Variants in CPA6 observed in about 807,000 individuals in gnomAD.
The protein encoded by CPA6 is carboxypeptidase A6.
Under a neutral mutation model 63.3 loss-of-function variants are expected in CPA6, and 58 were observed. That is an observed-to-expected ratio of 0.92 (90% CI 0.74 to 1.14). The LOEUF is 1.14. Among genes scored for constraint, CPA6 ranks in the 50% most tolerant of loss-of-function variants. The pLI, the probability that CPA6 is intolerant of heterozygous loss-of-function variation, is 0.00. For synonymous variants in CPA6, 185 were observed against 179.0 expected, an observed-to-expected ratio of 1.03 and a Z score of -0.27; for missense variants, 565 against 526.6, an observed-to-expected ratio of 1.07 and a Z score of -0.71.
intron 2 of CPA6, among the ~76,000 whole-genome samples, chr8:67,603,676 G>A (rs1345039483): frequency 1.3e-5 from 2 of 152,080 alleles, no homozygotes; most frequent in African/African-American, 2.4e-5. Flanking sequence ...TCCATATTTC[G>A]TAAGATAGTC....
At chr8:67,678,039 C>T (rs546358032) in intron 1 of CPA6, among the ~76,000 whole-genome samples, 4 of 152,106 alleles carry the variant, frequency 2.6e-5, no homozygotes, top group South Asian at 2.1e-4. Flanking sequence ...GGTTCAGGAC[C>T]GGCCTGGCCA....
At chr8:67,554,005 C>T (rs1223284198) in intron 2 of CPA6, among the ~76,000 whole-genome samples, 1 of 152,116 alleles carries the variant, frequency 6.6e-6, no homozygotes, top group Non-Finnish European at 1.5e-5. Flanking sequence ...TATCTATTTA[C>T]CACTGTGACA....
chr8:67,653,943 T>C (rs1270001856), intron 1 of CPA6, among the ~76,000 whole-genome samples: 2 of 151,454 alleles, frequency 1.3e-5, no homozygotes, highest in Non-Finnish European at 1.5e-5. Flanking sequence ...TGAGAGTTTT[T>C]AGCATGAAGC....
At chr8:67,512,725 G>T (rs1812066792) in intron 3 of CPA6, among the ~76,000 whole-genome samples, 1 of 143,520 alleles carries the variant, frequency 7.0e-6, no homozygotes, top group Non-Finnish European at 1.5e-5. Context: ...TAGCTAAAAA[G>T]CTTTGCTTTC....
intron 8 of CPA6, among the ~76,000 whole-genome samples, chr8:67,468,859 T>G: frequency 6.6e-6 from 1 of 152,192 alleles, no homozygotes; most frequent in Non-Finnish European, 1.5e-5. Context: ...CAGGGCCTCT[T>G]GCTGTCCTCA....
intron 2 of CPA6, among the ~76,000 whole-genome samples, chr8:67,534,184 A>T (rs940086409): frequency 6.6e-6 from 1 of 152,224 alleles, no homozygotes; most frequent in Non-Finnish European, 1.5e-5. Flanking sequence ...CCTTGCACAT[A>T]GGTATTCTTC....
intron 8 of CPA6, among the ~76,000 whole-genome samples, chr8:67,455,802 A>G (rs116842163): frequency 0.013 from 2,008 of 151,900 alleles, 33 homozygotes; most frequent in Middle Eastern, 0.024. Context: ...GCAGACACCA[A>G]CTCCTGGGCT....
rs370982845 is a variant in CPA6, at chr8:67,485,897, A to G, written c.637-1108T>C. On this transcript the variant is annotated intron_variant, in intron 6 of 10. Transcript: ENST00000297770. Reference sequence around the variant, plus strand: ...GCACTCTGGTCTATAACAATTCACCAAACTCACACCATGGTTTATATAGAA... The same window carrying G: ...GCACTCTGGTCTATAACAATTCACCGAACTCACACCATGGTTTATATAGAA... 3.9e-5 allele frequency among the ~76,000 whole-genome samples: 6 copies of G among 152,218 alleles called. No homozygotes were observed. The East Asian group carries it at 5.8e-4, about 15-fold the overall frequency.
At chr8:67,727,808 G>A (rs1817626481) in intron 1 of CPA6, among the ~76,000 whole-genome samples, 1 of 152,196 alleles carries the variant, frequency 6.6e-6, no homozygotes, top group Non-Finnish European at 1.5e-5. Flanking sequence ...GACAGACGCA[G>A]TGGCTCATGC....
At chr8:67,590,225 T>A (rs559464076) in intron 2 of CPA6, among the ~76,000 whole-genome samples, 2 of 151,978 alleles carry the variant, frequency 1.3e-5, no homozygotes, top group Non-Finnish European at 2.9e-5. Context: ...GAACTCATCA[T>A]TTTTTATGGC....
At chr8:67,620,109 AT>A (rs1312615396) in intron 2 of CPA6, among the ~76,000 whole-genome samples, 1 of 152,094 alleles carries the variant, frequency 6.6e-6, no homozygotes, top group African/African-American at 2.4e-5. Flanking sequence ...GCTGAAATCC[AT>A]TCTCACTTCC....
Position 67,511,517 on chromosome 8 carries a change from GA to G in CPA6, c.432+23del, listed in dbSNP as rs751616256. 7.2e-5 allele frequency: 99 copies of G among 1,374,332 alleles called. 2 individuals are homozygous for G. Among genetic ancestry groups the G allele is most frequent in the Non-Finnish European group, 1.0e-4 (98 of 964,426 alleles). The allele number at this position is 1,374,332 out of a possible 1,614,324, so 85.1% of individuals were successfully genotyped here. ...ATAAAGATGACTCTGTGAAAAACCAGAAAAAGCTCTTTTGATTACATACTTC... is the reference window on the plus strand; with the variant it reads ...ATAAAGATGACTCTGTGAAAAACCAGAAAAGCTCTTTTGATTACATACTTC... On this transcript the variant is annotated intron_variant, in intron 4 of 10. Coordinates refer to ENST00000297770, the MANE Select transcript of CPA6 (RefSeq NM_020361.5).
chr8:67,432,125 C>T (rs866273868), intron 9 of CPA6, among the ~76,000 whole-genome samples: 11 of 152,240 alleles, frequency 7.2e-5, no homozygotes, highest in East Asian at 1.9e-4. Flanking sequence ...GGCTGGAGGC[C>T]GCTAAGTAGC....
At chr8:67,547,325 C>T (rs984472817) in intron 2 of CPA6, among the ~76,000 whole-genome samples, 6 of 152,142 alleles carry the variant, frequency 3.9e-5, no homozygotes, top group Non-Finnish European at 7.4e-5. Flanking sequence ...GGATTATAGG[C>T]ATGAGCCACT....
At chr8:67,677,520 T>C (rs1465820954) in intron 1 of CPA6, among the ~76,000 whole-genome samples, 5 of 152,080 alleles carry the variant, frequency 3.3e-5, no homozygotes, top group African/African-American at 7.2e-5. Flanking sequence ...ACTGGATGTA[T>C]ACAGATTAAA....
intron 1 of CPA6, among the ~76,000 whole-genome samples, chr8:67,666,215 C>G (rs1035371518): frequency 5.3e-5 from 8 of 152,180 alleles, no homozygotes; most frequent in Non-Finnish European, 1.0e-4. Flanking sequence ...GGTGCTACTT[C>G]CACACCTATT....
chr8:67,483,455 C>T (rs1357793135), intron 8 of CPA6: 8 of 431,958 alleles, frequency 1.9e-5, no homozygotes, highest in Non-Finnish European at 3.4e-5. Context: ...AATTATACTA[C>T]ACCACGGTTC....
chr8:67,541,745 G>A (rs1197679087), intron 2 of CPA6, among the ~76,000 whole-genome samples: 1 of 152,190 alleles, frequency 6.6e-6, no homozygotes, highest in Non-Finnish European at 1.5e-5. Flanking sequence ...CCCTTGGCTA[G>A]GGGAGGGAGT....
intron 8 of CPA6, among the ~76,000 whole-genome samples, chr8:67,473,197 G>T (rs953273536): frequency 1.3e-5 from 2 of 152,184 alleles, no homozygotes; most frequent in African/African-American, 4.8e-5. Flanking sequence ...AGAAACAAAA[G>T]ATTTCCAGTT....
Sources: allele counts gnomAD v4.1 joint callset (sites outside exome capture counted in the v4.1 genomes callset), GRCh38; gene constraint gnomAD v4.1.1; transcripts MANE v1.5; gene names NCBI Gene and HGNC (gene_info 2026-07-23, HGNC 2026-07-21).